The following FNTB variants were observed in gnomAD, a reference collection of about 807,000 sequenced individuals.
FNTB encodes farnesyltransferase, CAAX box, subunit beta.
FNTB carries 27 observed loss-of-function variants against 59.4 expected under a neutral mutation model. The ratio of observed to expected loss-of-function variants is 0.45; its 90% confidence interval spans 0.34 to 0.63. The LOEUF (loss-of-function observed/expected upper bound fraction) is 0.63, where lower values mean the gene tolerates loss of function less well. FNTB is among the 20% of genes least tolerant of loss of function. The pLI, the probability that FNTB is intolerant of heterozygous loss-of-function variation, is 0.02. For missense variants in FNTB, 449 were observed against 559.6 expected, an observed-to-expected ratio of 0.80 and a Z score of 1.99; for synonymous variants, 230 against 220.7, an observed-to-expected ratio of 1.04 and a Z score of -0.37.
In FNTB at chr14:65,028,161, G is replaced by A. The variant is rs1275532084; in HGVS notation, c.605+380G>A. Among the ~76,000 whole-genome samples, 3 of 152,340 alleles carry A rather than the reference G, an allele frequency of 2.0e-5. No homozygotes were observed. Among genetic ancestry groups the A allele is most frequent in the East Asian group, 3.9e-4 (2 of 5,194 alleles). ...CAGGGCCTCAGTAAATACCTTCTGA[G>A]TGAATTTGATGAAATCATGAGAATG... On this transcript the variant is annotated intron_variant, in intron 6 of 11. Coordinates refer to ENST00000246166, the MANE Select transcript of FNTB (RefSeq NM_002028.4). The surrounding 1 kb of genome is among the most constrained non-coding windows in gnomAD (Gnocchi z 4.4).
chr14:65,049,359 T>G (rs901034777), intron 9 of FNTB, among the ~76,000 whole-genome samples: 5 of 152,186 alleles, frequency 3.3e-5, no homozygotes, highest in African/African-American at 1.2e-4. Flanking sequence ...GAAAGACTTT[T>G]GATTTTTTTA....
chr14:65,060,870 CAAA>C (rs58241887), intron 11 of FNTB, among the ~76,000 whole-genome samples: 1,337 of 79,284 alleles, frequency 0.017, 5 homozygotes, highest in Non-Finnish European at 0.023. Flanking sequence ...AAGACTCTCT[CAAA>C]AAAAAAAAAA....
intron 3 of FNTB, 89 bp from the exon 4 acceptor site, chr14:65,015,536 C>A: frequency 7.2e-7 from 1 of 1,386,096 alleles, no homozygotes; most frequent in Non-Finnish European, 1.0e-6. Context: ...CCTTGCCAGG[C>A]TGCTGGGAGT....
At chr14:65,005,368 C>G (rs940994220) in intron 2 of FNTB, among the ~76,000 whole-genome samples, 8 of 152,082 alleles carry the variant, frequency 5.3e-5, no homozygotes, top group Admixed American at 1.3e-4. Flanking sequence ...TGTTATATTT[C>G]CAGCCATCAG....
chr14:65,061,560 C>T lies in FNTB; in HGVS notation c.*248C>T. The T allele has an allele frequency of 2.2e-6, 1 of 449,590 alleles. No individual in the cohort carries two copies. Among genetic ancestry groups the T allele is most frequent in the Non-Finnish European group, 3.9e-6 (1 of 254,750 alleles). The allele number at this position is 449,590 out of a possible 1,614,324, so 27.9% of individuals were successfully genotyped here. ...CAGCCCACGTGGTGTGGTTGGTGAA[C>T]AGTGCATGCCAGGAGGAAGCAGTCC... On this transcript the variant is annotated 3_prime_UTR_variant, in exon 12 of 12. Transcript: ENST00000246166.
rs1295296794 is a variant in FNTB, at chr14:65,061,855, G to A, written c.*543G>A. 6.4e-6 allele frequency: 1 copy of A among 155,416 alleles called. No individual in the cohort carries two copies. Among genetic ancestry groups the A allele is most frequent in the Non-Finnish European group, 1.4e-5 (1 of 69,810 alleles). The allele number at this position is 155,416 out of a possible 1,614,324, so 9.6% of individuals were successfully genotyped here. On this transcript the variant is annotated 3_prime_UTR_variant, in exon 12 of 12. Transcript: ENST00000246166. ...CCCTGGTCATTTGTAAGGGAAAAGA[G>A]CTGGAGGTGGGGAGAGAAAGATCTC... is the stretch of plus-strand genomic sequence containing the variant.
chr14:65,000,743 C>T (rs548383330), intron 1 of FNTB, among the ~76,000 whole-genome samples: 1 of 148,422 alleles, frequency 6.7e-6, no homozygotes, highest in Non-Finnish European at 1.5e-5. Flanking sequence ...TCACTTGAAC[C>T]CAGGAGGTGG....
intron 4 of FNTB, among the ~76,000 whole-genome samples, chr14:65,021,789 G>T (rs1480038149): frequency 6.6e-6 from 1 of 152,196 alleles, no homozygotes; most frequent in Admixed American, 6.5e-5. Flanking sequence ...GGGACTACGG[G>T]CGCATGCCAC....
In FNTB at chr14:65,014,421, C is replaced by T. The variant is rs999317555; in HGVS notation, c.283-1204C>T. Among the ~76,000 whole-genome samples, 7 of 152,156 alleles carry T rather than the reference C, an allele frequency of 4.6e-5. No individual in the cohort carries two copies. The highest frequency in any genetic ancestry group is 9.7e-5 in the African/African-American group (4 of 41,424). On this transcript the variant is annotated intron_variant, in intron 3 of 11. Coordinates refer to ENST00000246166, the MANE Select transcript of FNTB (RefSeq NM_002028.4). The surrounding 1 kb of genome is among the most constrained non-coding windows in gnomAD (Gnocchi z 5.1). Reference sequence around the variant, plus strand: ...CAGCATTTCTCCAGGTATATGTACACGTGTTGGTTCCAGAAAGACATGAGG... The same window carrying T: ...CAGCATTTCTCCAGGTATATGTACATGTGTTGGTTCCAGAAAGACATGAGG...
chr14:65,044,657 T>G lies in FNTB; in HGVS notation c.955+214T>G. ...AGTGTCATTCTTTGCTTCTTCAAAT[T>G]GGCTGCGACAGAATGAGCTTCCTTG... On this transcript the variant is annotated intron_variant, in intron 9 of 11. Coordinates refer to ENST00000246166, the MANE Select transcript of FNTB (RefSeq NM_002028.4). This position sits in a 1 kb window ranked among gnomAD's most constrained non-coding sequence, Gnocchi z 5.5. 1 of 726,454 alleles carries G rather than the reference T, an allele frequency of 1.4e-6. No individual in the cohort carries two copies. The highest frequency in any genetic ancestry group is 2.0e-6 in the Non-Finnish European group (1 of 488,618). The allele number at this position is 726,454 out of a possible 1,614,324, so 45.0% of individuals were successfully genotyped here. A position where few individuals can be genotyped will look rare whatever the true frequency, so the allele number is the denominator to read the frequency against.
intron 11 of FNTB, 128 bp from the exon 12 acceptor site, chr14:65,061,053 T>C: frequency 6.8e-7 from 1 of 1,463,598 alleles, no homozygotes; most frequent in Non-Finnish European, 9.1e-7. Flanking sequence ...TTTTGAACCT[T>C]TGGGCTTTGT....
chr14:65,021,604 C>T (rs1205192726), intron 4 of FNTB, among the ~76,000 whole-genome samples: 2 of 152,124 alleles, frequency 1.3e-5, no homozygotes, highest in African/African-American at 4.8e-5. Context: ...CAAAGAATTA[C>T]TGAGCCCCAG....
At position 65,027,675 on chromosome 14, in the gene FNTB, C is replaced by T; in HGVS notation, c.522-23C>T. The T allele has an allele frequency of 1.9e-6, 3 of 1,614,182 alleles. No homozygotes were observed. The South Asian group carries it at 3.3e-5, about 18-fold the overall frequency. On this transcript the variant is annotated intron_variant, in intron 5 of 11. Coordinates refer to ENST00000246166, the MANE Select transcript of FNTB (RefSeq NM_002028.4). The surrounding 1 kb of genome is among the most constrained non-coding windows in gnomAD (Gnocchi z 5.7). ...TGACACGCACTGACTGTTGCCTCTC[C>T]TACCTCTTTCCCTGTTTCTCAGAGA...
At chr14:65,059,405 C>T (rs940439970) in intron 11 of FNTB, among the ~76,000 whole-genome samples, 10 of 151,874 alleles carry the variant, frequency 6.6e-5, no homozygotes, top group Non-Finnish European at 1.3e-4. Context: ...TTTGATACTA[C>T]TTGCCTGAGA....
In FNTB at chr14:65,061,450, C is replaced by G. The variant is rs2062864202; in HGVS notation, c.*138C>G. 7.3e-7 allele frequency: 1 copy of G among 1,367,976 alleles called. No homozygotes were observed. The allele number at this position is 1,367,976 out of a possible 1,614,324, so 84.7% of individuals were successfully genotyped here. On this transcript the variant is annotated 3_prime_UTR_variant, in exon 12 of 12. Coordinates refer to ENST00000246166, the MANE Select transcript of FNTB (RefSeq NM_002028.4). ...TGTGGTTCTCTTGGTACTTTCTTGT[C>G]AAACAAAACCAATGGCTCTGGGTTT...
chr14:65,047,690 A>G lies in FNTB; in HGVS notation c.955+3247A>G, dbSNP rs1416623285. The stretch of plus-strand genomic sequence containing the variant: ...AATTTACCTGCAGGGATATTAGCAA[A>G]GGATGTATATTGAAGTGGAGTTTCA... On this transcript the variant is annotated intron_variant, in intron 9 of 11. Transcript: ENST00000246166. The surrounding 1 kb of genome is among the most constrained non-coding windows in gnomAD (Gnocchi z 5.2). Among the ~76,000 whole-genome samples the G allele has an allele frequency of 6.6e-6, 1 of 152,226 alleles. No homozygotes were observed.
In FNTB at chr14:65,034,657, TTG is replaced by T. The variant is rs573541944; in HGVS notation, c.692+1965_692+1966del. On this transcript the variant is annotated intron_variant, in intron 7 of 11. Transcript: ENST00000246166. ...CCTGTGTTTGGTTCTCTTTTATATT[TTG>T]TGTTTCTCAGCTGAGATTTTCCATC... 1.9e-4 allele frequency among the ~76,000 whole-genome samples: 29 copies of T among 152,332 alleles called. 1 individual carries two copies. The South Asian group carries it at 4.8e-3, about 25-fold the overall frequency.
intron 8 of FNTB, among the ~76,000 whole-genome samples, chr14:65,042,339 C>A (rs961016286): frequency 1.3e-5 from 2 of 152,196 alleles, no homozygotes; most frequent in Non-Finnish European, 2.9e-5. Flanking sequence ...AGCTTGTTTT[C>A]TTTCAACTAG....
Position 65,011,100 on chromosome 14 carries a change from C to A in FNTB, c.210-1217C>A, listed in dbSNP as rs911768775. Among the ~76,000 whole-genome samples the A allele has an allele frequency of 6.6e-6, 1 of 152,134 alleles. No homozygotes were observed. Among genetic ancestry groups the A allele is most frequent in the Non-Finnish European group, 1.5e-5 (1 of 68,024 alleles). ...TTCCTTGTAGCCATTGATATACTTACCTCATTTCTGAATTGGAAGAGTTTT... is the reference window on the plus strand; with the variant it reads ...TTCCTTGTAGCCATTGATATACTTAACTCATTTCTGAATTGGAAGAGTTTT... On this transcript the variant is annotated intron_variant, in intron 2 of 11. Coordinates refer to ENST00000246166, the MANE Select transcript of FNTB (RefSeq NM_002028.4). The surrounding 1 kb of genome is among the most constrained non-coding windows in gnomAD (Gnocchi z 4.0).
Sources: allele counts gnomAD v4.1 joint callset (sites outside exome capture counted in the v4.1 genomes callset), GRCh38; gene constraint gnomAD v4.1.1; non-coding constraint Gnocchi (gnomAD v3.1); transcripts MANE v1.5; gene names NCBI Gene and HGNC (gene_info 2026-07-23, HGNC 2026-07-21).